The following CUX2 variants were observed in gnomAD, a reference collection of about 807,000 sequenced individuals.
CUX2 encodes the protein cut like homeobox 2, also known as homeobox protein cut-like 2.
CUX2 carries 40 observed loss-of-function variants against 144.8 expected under a neutral mutation model. The ratio of observed to expected loss-of-function variants is 0.28; its 90% CI spans 0.21 to 0.36. CUX2 has a LOEUF of 0.36. Among genes scored for constraint, CUX2 ranks in the 10% least tolerant of loss-of-function variants. The pLI is 1.00. For missense variants in CUX2, 1,615 were observed against 1,994.0 expected, an observed-to-expected ratio of 0.81 and a Z score of 3.62; for synonymous variants, 827 against 875.6, an observed-to-expected ratio of 0.94 and a Z score of 0.98.
Position 111,307,203 on chromosome 12 carries a change from T to C in CUX2, c.1055T>C (p.Leu352Pro). Residue 352 changes from leucine (L) to proline (P), a missense_variant, in exon 12 of 22, where the codon CTG becomes CCG. Transcript: ENST00000261726. The surrounding 1 kb of genome is among the most constrained non-coding windows in gnomAD (Gnocchi z 4.1). Reference protein sequence around the residue: ...LTAKSEAIEKLEEKLQAQSDY... With the variant: ...LTAKSEAIEKPEEKLQAQSDY... ...CATCTTTCTTTGCTCTTCTAGAAGC[T>C]GGAAGAGAAGCTCCAGGCCCAGTCT... The C allele has an allele frequency of 6.2e-7, 1 of 1,614,146 alleles. No individual in the cohort carries two copies. Among genetic ancestry groups the C allele is most frequent in the Non-Finnish European group, 8.5e-7 (1 of 1,180,020 alleles).
intron 1 of CUX2, among the ~76,000 whole-genome samples, chr12:111,074,278 G>A (rs539349118): frequency 6.6e-6 from 1 of 152,014 alleles, no homozygotes; most frequent in Non-Finnish European, 1.5e-5. Context: ...CCAGCATCTC[G>A]CCCCACCCCA....
chr12:111,205,737 C>T (rs1434152317), intron 1 of CUX2, among the ~76,000 whole-genome samples: 2 of 152,182 alleles, frequency 1.3e-5, no homozygotes, highest in Non-Finnish European at 2.9e-5. Context: ...GGCTGAGTCA[C>T]CTATCCAAGG....
At chr12:111,084,840 C>T (rs1229232595) in intron 1 of CUX2, among the ~76,000 whole-genome samples, 1 of 152,090 alleles carries the variant, frequency 6.6e-6, no homozygotes, top group Non-Finnish European at 1.5e-5. Flanking sequence ...CACTCGGGCT[C>T]CGGGGTGCCC....
intron 3 of CUX2, among the ~76,000 whole-genome samples, chr12:111,238,282 A>G (rs929021867): frequency 2.0e-5 from 3 of 152,240 alleles, no homozygotes; most frequent in Non-Finnish European, 4.4e-5. Flanking sequence ...AGCATTTTGT[A>G]GACTGTGATG....
chr12:111,089,656 C>T (rs1371627665), intron 1 of CUX2, among the ~76,000 whole-genome samples: 3 of 152,150 alleles, frequency 2.0e-5, no homozygotes, highest in Non-Finnish European at 4.4e-5. Context: ...AAGCTGAGAG[C>T]TGAAAGATGG....
intron 4 of CUX2, among the ~76,000 whole-genome samples, chr12:111,288,281 C>G (rs1885496173): frequency 6.6e-6 from 1 of 152,008 alleles, no homozygotes; most frequent in South Asian, 2.1e-4. Flanking sequence ...GTGAGGGCTT[C>G]TGCTTACTCT....
At position 111,171,747 on chromosome 12, in the gene CUX2, A is replaced by G. The variant is rs58125999; in HGVS notation, c.64-42453A>G. On this transcript the variant is annotated intron_variant, in intron 1 of 21. Coordinates refer to ENST00000261726, the MANE Select transcript of CUX2 (RefSeq NM_015267.4). The surrounding 1 kb of genome is among the most constrained non-coding windows in gnomAD (Gnocchi z 5.0). ...GAGCTGAGAACAGGGCTCCCTGGTG[A>G]AAGAATGGCAGGGTCCCTTTTCGCC... 0.015 allele frequency among the ~76,000 whole-genome samples: 2,287 copies of G among 152,318 alleles called. 51 individuals are homozygous for G. The highest frequency in any genetic ancestry group is 0.051 in the African/African-American group (2,123 of 41,562).
Position 111,295,269 on chromosome 12 carries a change from A to G in CUX2, c.561-64A>G. 2 of 1,519,370 alleles carry G rather than the reference A, an allele frequency of 1.3e-6. No homozygotes were observed. The highest frequency in any genetic ancestry group is 2.4e-5 in the South Asian group (2 of 84,770). 94.1% of individuals were successfully genotyped at this position (1,519,370 alleles called of 1,614,324 possible). On this transcript the variant is annotated intron_variant, in intron 6 of 21. Coordinates refer to ENST00000261726, the MANE Select transcript of CUX2 (RefSeq NM_015267.4). The surrounding 1 kb of genome is among the most constrained non-coding windows in gnomAD (Gnocchi z 5.0). ...GGGGTAGGAAGCAAGATGGGGCTCGACTCGGGGGCCCCAGGCAAGGCCTGT... is the reference window on the plus strand; with the variant it reads ...GGGGTAGGAAGCAAGATGGGGCTCGGCTCGGGGGCCCCAGGCAAGGCCTGT...
intron 3 of CUX2, among the ~76,000 whole-genome samples, chr12:111,233,897 G>A (rs780948696): frequency 1.3e-5 from 2 of 152,190 alleles, no homozygotes; most frequent in Admixed American, 6.5e-5. Context: ...TAGAAGTTGT[G>A]GTGGGGGAGG....
chr12:111,297,835 C>A (rs1886087484), intron 8 of CUX2, among the ~76,000 whole-genome samples: 1 of 152,098 alleles, frequency 6.6e-6, no homozygotes, highest in South Asian at 2.1e-4. Context: ...GTTCTTGGCA[C>A]ATGGCAAATG....
intron 16 of CUX2, among the ~76,000 whole-genome samples, chr12:111,318,702 G>A (rs1338044219): frequency 6.6e-6 from 1 of 151,038 alleles, no homozygotes; most frequent in Admixed American, 6.6e-5. Flanking sequence ...TTTTTCTAGA[G>A]ATGGATGTCT....
At chr12:111,073,200 C>A (rs549199013) in intron 1 of CUX2, among the ~76,000 whole-genome samples, 1 of 150,608 alleles carries the variant, frequency 6.6e-6, no homozygotes, top group South Asian at 2.1e-4. Context: ...CACCCACCCC[C>A]CAGGGTGAAC....
intron 1 of CUX2, among the ~76,000 whole-genome samples, chr12:111,094,185 G>A (rs7312595): frequency 0.026 from 4,026 of 152,294 alleles, 188 homozygotes; most frequent in African/African-American, 0.092. Context: ...TCCTGAAAAC[G>A]AGGTATTTGA....
At chr12:111,191,584 C>T (rs984829560) in intron 1 of CUX2, among the ~76,000 whole-genome samples, 4 of 152,190 alleles carry the variant, frequency 2.6e-5, no homozygotes, top group Admixed American at 6.5e-5. Context: ...CCTTGGCCCC[C>T]CAAAGTGTCG....
chr12:111,343,509 G>T (rs1888667432), intron 21 of CUX2, among the ~76,000 whole-genome samples: 1 of 152,090 alleles, frequency 6.6e-6, no homozygotes, highest in African/African-American at 2.4e-5. Context: ...TCCATTCCAG[G>T]GGGAGAGAAT....
At position 111,186,584 on chromosome 12, in the gene CUX2, G is replaced by A. The variant is rs1192138245; in HGVS notation, c.64-27616G>A. Among the ~76,000 whole-genome samples the A allele has an allele frequency of 6.6e-6, 1 of 152,182 alleles. No individual in the cohort carries two copies. The highest frequency in any genetic ancestry group is 1.5e-5 in the Non-Finnish European group (1 of 68,018). On this transcript the variant is annotated intron_variant, in intron 1 of 21. Coordinates refer to ENST00000261726, the MANE Select transcript of CUX2 (RefSeq NM_015267.4). This position sits in a 1 kb window ranked among gnomAD's most constrained non-coding sequence, Gnocchi z 4.4. ...TGAGAGAGAGAAGGGCGACTCTGTG[G>A]CGTGAGGCTCGCAGCTGCACAGAGG...
chr12:111,306,906 C>T lies in CUX2; in HGVS notation c.859-15C>T. 6.3e-7 allele frequency: 1 copy of T among 1,577,092 alleles called. No individual in the cohort carries two copies. The highest frequency in any genetic ancestry group is 8.6e-7 in the Non-Finnish European group (1 of 1,157,402). On this transcript the variant is annotated splice_polypyrimidine_tract_variant and intron_variant, in intron 10 of 21. Transcript: ENST00000261726. ...CCCTCACCTCTCAGCCCCTCAAAGACCCCTTTGCCTGCAGGATAAGGTGAA... is the reference window on the plus strand; with the variant it reads ...CCCTCACCTCTCAGCCCCTCAAAGATCCCTTTGCCTGCAGGATAAGGTGAA...
At position 111,219,408 on chromosome 12, in the gene CUX2, C is replaced by A. The variant is rs138303023; in HGVS notation, c.222+1471C>A. Among the ~76,000 whole-genome samples the A allele has an allele frequency of 7.9e-5, 12 of 152,068 alleles. No homozygotes were observed. In the East Asian group the frequency reaches 2.1e-3, roughly 27 times the overall value. On this transcript the variant is annotated intron_variant, in intron 3 of 21. Transcript: ENST00000261726. Reference sequence around the variant, plus strand: ...ACAAAAAAAAAAAAAAATAGAGGTTCCCATCTACCAACTCCTAGTCCCAGG... The same window carrying A: ...ACAAAAAAAAAAAAAAATAGAGGTTACCATCTACCAACTCCTAGTCCCAGG...
At chr12:111,087,844 G>A (rs2136050467) in intron 1 of CUX2, among the ~76,000 whole-genome samples, 1 of 152,268 alleles carries the variant, frequency 6.6e-6, no homozygotes, top group South Asian at 2.1e-4. Flanking sequence ...CCCAAAACCT[G>A]CACACAAATG....
Sources: gnomAD v4.1 joint callset for allele counts (sites outside exome capture counted in the v4.1 genomes callset) on GRCh38, gnomAD v4.1.1 for gene constraint, Gnocchi (gnomAD v3.1) non-coding constraint, MANE v1.5 for transcripts, NCBI Gene and HGNC (gene_info 2026-07-23, HGNC 2026-07-21) for gene names.